NALF2: variants seen among roughly 807,000 people sequenced by gnomAD.
NALF2 encodes the protein bB57D9.1 (TED protein).
NALF2 carries 1 observed loss-of-function variant against 24.8 expected under a neutral mutation model. The ratio of observed to expected loss-of-function variants is 0.04; its 90% confidence interval spans 0.01 to 0.19. The LOEUF (loss-of-function observed/expected upper bound fraction) is 0.19. NALF2 is among the 10% of genes least tolerant of loss of function. The probability of loss-of-function intolerance (pLI) is 1.00; values close to 1 mark genes in which losing one functional copy is unlikely to be tolerated. For missense variants in NALF2, 458 were observed against 409.6 expected (o/e 1.12, Z -1.02); for synonymous variants, 254 against 189.8 (o/e 1.34, Z -2.78).
intron 1 of NALF2, among the ~76,000 whole-genome samples, chrX:69,506,836 A>G (rs1930496180): frequency 8.9e-6 from 1 of 112,386 alleles, no homozygotes; most frequent in Non-Finnish European, 1.9e-5. Flanking sequence ...TTCTCATACA[A>G]AACTCCCAGT....
rs1366053795 is a variant in NALF2, at chrX:69,505,569, TGCTGCC to T, written c.296_301del (p.Leu99_Pro100del). 1 of 1,007,354 alleles carries T rather than the reference TGCTGCC, an allele frequency of 9.9e-7. No homozygotes were observed. Among genetic ancestry groups the T allele is most frequent in the Non-Finnish European group, 1.2e-6 (1 of 804,883 alleles). 83.0% of individuals were successfully genotyped at this position (1,007,354 alleles called of 1,213,427 possible). ...CGGCAGCCGGTGCCTCCTCGCGCGG[TGCTGCC>T]GCTGCCGCCGCCGCCGCCCGGCGAG... On this transcript the variant is annotated inframe_deletion, in exon 1 of 3. Transcript: ENST00000252338.
intron 1 of NALF2, 32 bp downstream of exon 1, chrX:69,506,175 G>A (rs1930483569): frequency 2.5e-6 from 3 of 1,181,975 alleles, no homozygotes; most frequent in Non-Finnish European, 3.4e-6. Flanking sequence ...CACAGCAGCC[G>A]CCCTGGGCAG....
Position 69,505,986 on chromosome X carries a change from C to G in NALF2, c.704C>G (p.Pro235Arg). 3 of 1,211,405 alleles carry G rather than the reference C, an allele frequency of 2.5e-6. No homozygotes were observed. The highest frequency in any genetic ancestry group is 3.0e-5 in the East Asian group (1 of 33,777). ...MGDLLAVVAS[P>R]GSGAWEACSN... ...GACCTGCTGGCCGTGGTGGCCAGCC[C>G]GGGCTCCGGGGCCTGGGAGGCGTGT... is the stretch of plus-strand genomic sequence containing the variant. The change falls in exon 1 of 3, where the codon CCG becomes CGG. Residue 235 changes from proline (P) to arginine (R), a missense_variant. Pro to Arg is a moderately radical substitution (Grantham distance 103, BLOSUM62 -2). Coordinates refer to ENST00000252338, the MANE Select transcript of NALF2 (RefSeq NM_015686.3).
chrX:69,515,012 T>G (rs995978302), intron 1 of NALF2, among the ~76,000 whole-genome samples: 1 of 112,417 alleles, frequency 8.9e-6, no homozygotes, highest in African/African-American at 3.2e-5. Flanking sequence ...TCCAACATTT[T>G]GCTATTATAA....
Position 69,530,101 on chromosome X carries a change from C to T in NALF2, c.*145C>T, listed in dbSNP as rs1930881218. ...GGAATGACACATCCCCCCCAACCTA[C>T]CCCCACCCCAAAAGCAGCTCCAACA... On this transcript the variant is annotated 3_prime_UTR_variant, in exon 3 of 3. Coordinates refer to ENST00000252338, the MANE Select transcript of NALF2 (RefSeq NM_015686.3). 1.3e-5 allele frequency: 6 copies of T among 458,526 alleles called. No homozygotes were observed. Among genetic ancestry groups the T allele is most frequent in the African/African-American group, 7.4e-5 (3 of 40,487 alleles). 37.8% of individuals were successfully genotyped at this position (458,526 alleles called of 1,213,427 possible). A position where few individuals can be genotyped will look rare whatever the true frequency, so the allele number is the denominator to read the frequency against.
chrX:69,510,674 T>C (rs1250468072), intron 1 of NALF2, among the ~76,000 whole-genome samples: 1 of 111,690 alleles, frequency 9.0e-6, no homozygotes, highest in African/African-American at 3.3e-5. Context: ...CCGGGAGCCA[T>C]GGCAAAGCCT....
chrX:69,511,440 C>G (rs1314399897), intron 1 of NALF2, among the ~76,000 whole-genome samples: 2 of 111,834 alleles, frequency 1.8e-5, no homozygotes, highest in Non-Finnish European at 3.8e-5. Flanking sequence ...CCTCTCTGCT[C>G]TCTTTCTCCC....
chrX:69,513,113 TTA>T (rs1159891442), intron 1 of NALF2, among the ~76,000 whole-genome samples: 1 of 111,498 alleles, frequency 9.0e-6, no homozygotes, highest in Non-Finnish European at 1.9e-5. Flanking sequence ...GGTATCTCTG[TTA>T]TATTCTCAGC....
intron 1 of NALF2, among the ~76,000 whole-genome samples, chrX:69,527,626 G>A (rs149028556): frequency 0.014 from 1,511 of 111,913 alleles, 29 homozygotes; most frequent in African/African-American, 0.047. Flanking sequence ...TTTAACAAAT[G>A]CTTCAGGGGG....
Position 69,505,489 on chromosome X carries a change from C to T in NALF2, c.207C>T (p.Pro69=), listed in dbSNP as rs1930450374. 8 of 1,088,041 alleles carry T rather than the reference C, an allele frequency of 7.4e-6. No homozygotes were observed. The highest frequency in any genetic ancestry group is 2.7e-4 in the Middle Eastern group (1 of 3,746). 89.7% of individuals were successfully genotyped at this position (1,088,041 alleles called of 1,213,427 possible). Residue 69 remains proline, a synonymous_variant, in exon 1 of 3, where the codon CCC becomes CCT. Transcript: ENST00000252338. ...TGTGGCTGTGCGCGGGGGCCCGGCC[C>T]CGGGCCAGGGAGCTGAGCAGCGCCA... The part of the protein sequence containing the change: ...DHLWLCAGAR[P]RARELSSAMR...
intron 1 of NALF2, among the ~76,000 whole-genome samples, chrX:69,523,394 C>T (rs1307226712): frequency 9.0e-6 from 1 of 111,708 alleles, no homozygotes; most frequent in Non-Finnish European, 1.9e-5. Context: ...AGCGCCAGAG[C>T]CAGAGGGTAA....
Position 69,505,543 on chromosome X carries a change from G to C in NALF2, c.261G>C (p.Glu87Asp). The change falls in exon 1 of 3, where the codon GAG becomes GAC. Residue 87 changes from glutamate to aspartate, a missense_variant. Coordinates refer to ENST00000252338, the MANE Select transcript of NALF2 (RefSeq NM_015686.3). Reference protein sequence around the residue: ...AMRPPWGAGRERQPVPPRAVL... With the variant: ...AMRPPWGAGRDRQPVPPRAVL... The stretch of plus-strand genomic sequence containing the variant: ...GGCCCCCATGGGGGGCCGGCCGGGA[G>C]CGGCAGCCGGTGCCTCCTCGCGCGG... The C allele has an allele frequency of 1.0e-6, 1 of 957,854 alleles. No homozygotes were observed. Among genetic ancestry groups the C allele is most frequent in the Non-Finnish European group, 1.3e-6 (1 of 772,645 alleles). 78.9% of individuals were successfully genotyped at this position (957,854 alleles called of 1,213,427 possible).
At chrX:69,527,988 T>G (rs1930832317) in intron 1 of NALF2, among the ~76,000 whole-genome samples, 1 of 109,217 alleles carries the variant, frequency 9.2e-6, no homozygotes, top group Non-Finnish European at 1.9e-5. Flanking sequence ...TTTGGTTTTT[T>G]TTTGTTGTTG....
chrX:69,504,688 G>T lies in NALF2; in HGVS notation c.-595G>T, dbSNP rs544003701. Among the ~76,000 whole-genome samples, 3 of 112,385 alleles carry T rather than the reference G, an allele frequency of 2.7e-5. No individual in the cohort carries two copies. In the East Asian group the frequency reaches 8.6e-4, roughly 32 times the overall value. Reference sequence around the variant, plus strand: ...CCCGGAGCGCGAACGAAGCCCGAAGGGCCCGGCAACGGACCGGCCGGCCGG... The same window carrying T: ...CCCGGAGCGCGAACGAAGCCCGAAGTGCCCGGCAACGGACCGGCCGGCCGG... On this transcript the variant is annotated 5_prime_UTR_variant, in exon 1 of 3. Coordinates refer to ENST00000252338, the MANE Select transcript of NALF2 (RefSeq NM_015686.3).
intron 2 of NALF2, 123 bp downstream of exon 2, chrX:69,529,287 C>T (rs1430953234): frequency 6.0e-6 from 5 of 837,931 alleles, no homozygotes; most frequent in South Asian, 5.5e-5. Flanking sequence ...AGTGGCTGGA[C>T]GAATGGGCAG....
At position 69,505,293 on chromosome X, in the gene NALF2, G is replaced by A; in HGVS notation, c.11G>A (p.Gly4Asp). Residue 4 changes from glycine (G) to aspartate (D), a missense_variant, in exon 1 of 3, where the codon GGC becomes GAC. By Grantham distance (94) the Gly-to-Asp change is moderately conservative. Coordinates refer to ENST00000252338, the MANE Select transcript of NALF2 (RefSeq NM_015686.3). ...GGACCCCCCTGAAATATGTTCAGGG[G>A]CGCTTGGATGTGGCCCGGGAAAGAC... MFR[G>D]AWMWPGKDAA... 2 of 1,154,608 alleles carry A rather than the reference G, an allele frequency of 1.7e-6. No homozygotes were observed.
At chrX:69,510,933 T>G (rs1273806136) in intron 1 of NALF2, among the ~76,000 whole-genome samples, 1 of 110,667 alleles carries the variant, frequency 9.0e-6, no homozygotes, top group African/African-American at 3.3e-5. Context: ...AGACTGGGAG[T>G]GGGAAAGTGG....
In NALF2 at chrX:69,505,034, T is replaced by C. The variant is rs1487272378; in HGVS notation, c.-249T>C. ...CCCAGCCGGGACGCCGGGCAGCGCC[T>C]AGCGGGCCGGGCGGCGGCGCCCGGG... is the stretch of plus-strand genomic sequence containing the variant. On this transcript the variant is annotated 5_prime_UTR_variant, in exon 1 of 3. An upstream open reading frame in the 5' UTR loses its in-frame stop. Coordinates refer to ENST00000252338, the MANE Select transcript of NALF2 (RefSeq NM_015686.3). Among the ~76,000 whole-genome samples, 3 of 103,979 alleles carry C rather than the reference T, an allele frequency of 2.9e-5. No individual in the cohort carries two copies. Among genetic ancestry groups the C allele is most frequent in the Non-Finnish European group, 6.0e-5 (3 of 50,048 alleles). 90.3% of individuals were successfully genotyped at this position (103,979 alleles called of 115,157 possible).
At chrX:69,516,716 GC>G (rs762479933) in intron 1 of NALF2, among the ~76,000 whole-genome samples, 1 of 111,767 alleles carries the variant, frequency 8.9e-6, no homozygotes, top group East Asian at 2.8e-4. Flanking sequence ...TGAGCCTTTG[GC>G]CCTGGGTAGG....
Sources: allele counts gnomAD v4.1 joint callset (sites outside exome capture counted in the v4.1 genomes callset), GRCh38; gene constraint gnomAD v4.1.1; transcripts MANE v1.5; gene names NCBI Gene and HGNC (gene_info 2026-07-23, HGNC 2026-07-21).